The following PTPRN2 variants were observed in gnomAD, a reference collection of about 807,000 sequenced individuals.
PTPRN2 encodes receptor-type tyrosine-protein phosphatase N2.
Under a neutral mutation model 118.8 loss-of-function variants are expected in PTPRN2, and 74 were observed. The observed-to-expected ratio is 0.62, with a 90% CI of 0.52 to 0.76. The LOEUF is 0.76. Among genes scored for constraint, PTPRN2 ranks in the 30% least tolerant of loss-of-function variants. PTPRN2 has a pLI of 0.00. For synonymous variants in PTPRN2, 641 were observed against 608.0 expected (o/e 1.05, Z -0.80); for missense variants, 1,481 against 1,394.4 (o/e 1.06, Z -0.99).
At chr7:157,604,383 C>G (rs1801881007) in intron 15 of PTPRN2, among the ~76,000 whole-genome samples, 1 of 152,228 alleles carries the variant, frequency 6.6e-6, no homozygotes, top group Non-Finnish European at 1.5e-5. Context: ...AGGTGGGAGG[C>G]AGACGAACGG....
At chr7:158,420,909 T>C (rs959889782) in intron 2 of PTPRN2, among the ~76,000 whole-genome samples, 1 of 151,960 alleles carries the variant, frequency 6.6e-6, no homozygotes, top group African/African-American at 2.4e-5. Flanking sequence ...TCACAGGCGG[T>C]TGTGGCTTAC....
chr7:158,083,688 G>C (rs1279604211), intron 10 of PTPRN2, among the ~76,000 whole-genome samples: 1 of 152,212 alleles, frequency 6.6e-6, no homozygotes, highest in Non-Finnish European at 1.5e-5. Context: ...GTGGGGCTGT[G>C]GTCATCACCA....
intron 2 of PTPRN2, among the ~76,000 whole-genome samples, chr7:158,337,250 G>T (rs1183468807): frequency 3.3e-5 from 5 of 151,174 alleles, no homozygotes; most frequent in African/African-American, 9.7e-5. Context: ...CACCATAAGA[G>T]CTGACACCTG....
rs1460731233 is a variant in PTPRN2 at position 157,845,122 on chromosome 7, T to C, written c.1788+53551A>G. ...GGACGCAGCCCTGACCTCACGTTGG[T>C]CCACGACGGGCAGAGAGCAACTTGG... On this transcript the variant is annotated intron_variant, in intron 12 of 22. Transcript: ENST00000389418. The surrounding 1 kb of genome is among the most constrained non-coding windows in gnomAD (Gnocchi z 4.5). 6.6e-6 allele frequency among the ~76,000 whole-genome samples: 1 copy of C among 152,176 alleles called. No homozygotes were observed. Among genetic ancestry groups the C allele is most frequent in the Non-Finnish European group, 1.5e-5 (1 of 68,030 alleles).
intron 2 of PTPRN2, among the ~76,000 whole-genome samples, chr7:158,351,928 TCCGCTCCCCTCCTGA>T (rs1563190387): frequency 0.025 from 1,389 of 54,506 alleles, 89 homozygotes; most frequent in Middle Eastern, 0.031. Context: ...TCCCCTCCTG[TCCGCTCCCCTCCTGA>T]CCGCTCCCCT....
At chr7:157,820,954 G>A (rs532715040) in intron 12 of PTPRN2, among the ~76,000 whole-genome samples, 2 of 152,168 alleles carry the variant, frequency 1.3e-5, no homozygotes, top group Non-Finnish European at 2.9e-5. Context: ...AGTGCACCCC[G>A]CAGCCTGGTG....
chr7:157,731,551 TTCCCGTC>T (rs1799913506), intron 12 of PTPRN2, among the ~76,000 whole-genome samples: 6 of 84,398 alleles, frequency 7.1e-5, no homozygotes, highest in Non-Finnish European at 9.3e-5. Flanking sequence ...CAGTTACCCT[TTCCCGTC>T]CCATGCGCCC....
At chr7:158,152,484 C>T (rs191058053) in intron 6 of PTPRN2, among the ~76,000 whole-genome samples, 9 of 152,236 alleles carry the variant, frequency 5.9e-5, no homozygotes, top group Middle Eastern at 3.4e-3. Context: ...TGCAGCCCCA[C>T]GTGGAGAGTT....
intron 12 of PTPRN2, among the ~76,000 whole-genome samples, chr7:157,731,587 CACCCCAT>C (rs1799920377): frequency 8.9e-6 from 1 of 112,012 alleles, no homozygotes; most frequent in African/African-American, 3.4e-5. Flanking sequence ...TACTCTTTTC[CACCCCAT>C]GCGCCCAGCA....
chr7:157,595,477 CAGGAGGTTAGGAAG>C (rs1801249797), intron 16 of PTPRN2, among the ~76,000 whole-genome samples, 162 bp from the exon 17 acceptor site: 1 of 148,570 alleles, frequency 6.7e-6, no homozygotes, highest in African/African-American at 2.6e-5. Context: ...GTTAGGAAGC[CAGGAGGTTAGGAAG>C]CCTGGTGTTT....
At chr7:158,341,752 A>G (rs1806858735) in intron 2 of PTPRN2, among the ~76,000 whole-genome samples, 1 of 142,360 alleles carries the variant, frequency 7.0e-6, no homozygotes, top group African/African-American at 2.8e-5. Context: ...TCACACCGAC[A>G]CTCTCACCAT....
At chr7:158,336,387 G>T (rs1256021524) in intron 2 of PTPRN2, among the ~76,000 whole-genome samples, 1 of 130,084 alleles carries the variant, frequency 7.7e-6, no homozygotes, top group Non-Finnish European at 1.6e-5. Context: ...ACATGCAGAC[G>T]TCACTCACAC....
intron 12 of PTPRN2, among the ~76,000 whole-genome samples, chr7:157,852,863 C>CAAAAAA (rs58298308): frequency 9.7e-5 from 10 of 102,676 alleles, no homozygotes; most frequent in East Asian, 2.8e-4. Context: ...GCAAGTCTCT[C>CAAAAAA]AAAAAAAAAA....
intron 12 of PTPRN2, among the ~76,000 whole-genome samples, chr7:157,892,930 C>T (rs966308313): frequency 1.3e-5 from 2 of 152,350 alleles, no homozygotes; most frequent in African/African-American, 4.8e-5. Flanking sequence ...CCGTCACCTG[C>T]ATTGCTTTCT....
intron 2 of PTPRN2, among the ~76,000 whole-genome samples, chr7:158,410,985 G>GACA (rs1814030166): frequency 6.6e-6 from 1 of 152,174 alleles, no homozygotes; most frequent in Non-Finnish European, 1.5e-5. Context: ...CAGACATGGA[G>GACA]CGTGAGTAGG....
chr7:157,616,597 G>C (rs1802787908), intron 15 of PTPRN2: 2 of 152,158 alleles, frequency 1.3e-5, no homozygotes, highest in African/African-American at 2.4e-5. Context: ...GAGTCGGCTG[G>C]CACTGAGATC....
chr7:157,609,989 C>T lies in PTPRN2; in HGVS notation c.2345-5914G>A, dbSNP rs946810408. ...CATGATCTAGAACCTCCCGTGCCCACCCCACTGCATCTGAGGAAAGCGTGT... is the reference window on the plus strand; with the variant it reads ...CATGATCTAGAACCTCCCGTGCCCATCCCACTGCATCTGAGGAAAGCGTGT... On this transcript the variant is annotated intron_variant, in intron 15 of 22. Transcript: ENST00000389418. The surrounding 1 kb of genome is among the most constrained non-coding windows in gnomAD (Gnocchi z 4.9). Among the ~76,000 whole-genome samples, 1 of 152,208 alleles carries T rather than the reference C, an allele frequency of 6.6e-6. No individual in the cohort carries two copies. The highest frequency in any genetic ancestry group is 2.4e-5 in the African/African-American group (1 of 41,444).
Position 158,521,573 on chromosome 7 carries a change from CA to C in PTPRN2, c.113-31789del, listed in dbSNP as rs756743718. On this transcript the variant is annotated intron_variant, in intron 1 of 22. Coordinates refer to ENST00000389418, the MANE Select transcript of PTPRN2 (RefSeq NM_002847.5). Reference sequence around the variant, plus strand: ...ATGGTGGACTGTCCAGGTACTGGCTCAGGGGGGAGGTCCACGTCACAATGGT... The same window carrying C: ...ATGGTGGACTGTCCAGGTACTGGCTCGGGGGGAGGTCCACGTCACAATGGT... Among the ~76,000 whole-genome samples the C allele has an allele frequency of 3.7e-3, 494 of 134,524 alleles. 123 individuals are homozygous for C. Among genetic ancestry groups the C allele is most frequent in the Middle Eastern group, 8.0e-3 (2 of 250 alleles). 88.3% of individuals were successfully genotyped at this position (134,524 alleles called of 152,430 possible).
intron 2 of PTPRN2, among the ~76,000 whole-genome samples, chr7:158,387,570 T>G (rs1811556188): frequency 3.9e-5 from 6 of 152,282 alleles, no homozygotes; most frequent in Admixed American, 2.0e-4. Context: ...GGCATCCCTG[T>G]CAGCTCAGCT....
Sources: allele counts gnomAD v4.1 joint callset (sites outside exome capture counted in the v4.1 genomes callset), GRCh38; gene constraint gnomAD v4.1.1; non-coding constraint Gnocchi (gnomAD v3.1); transcripts MANE v1.5; gene names NCBI Gene and HGNC (gene_info 2026-07-23, HGNC 2026-07-21).